Variants in ARL15 observed in about 807,000 individuals in gnomAD.
The protein encoded by ARL15 is ADP-ribosylation factor-like protein 15.
ARL15 carries 19 observed loss-of-function variants against 25.2 expected under a neutral mutation model. That is an observed-to-expected ratio of 0.75 (90% CI 0.53 to 1.10). The LOEUF (loss-of-function observed/expected upper bound fraction) is 1.10. Among genes scored for constraint, ARL15 ranks in the 50% least tolerant of loss-of-function variants. The pLI is 0.00. For missense variants in ARL15, 220 were observed against 246.0 expected, an observed-to-expected ratio of 0.89 and a Z score of 0.71; for synonymous variants, 94 against 86.8, an observed-to-expected ratio of 1.08 and a Z score of -0.46.
chr5:54,019,445 G>A (rs1314246784), intron 4 of ARL15, among the ~76,000 whole-genome samples: 3 of 152,158 alleles, frequency 2.0e-5, no homozygotes, highest in African/African-American at 4.8e-5. Flanking sequence ...TTAAAGTAGT[G>A]TTCGGTAAAA....
chr5:53,908,650 C>T (rs1409722175), intron 4 of ARL15, among the ~76,000 whole-genome samples: 2 of 152,098 alleles, frequency 1.3e-5, no homozygotes, highest in African/African-American at 4.8e-5. Context: ...ATGTATCCTC[C>T]GTCAATAAGG....
chr5:54,232,578 C>T (rs577797556), intron 1 of ARL15, among the ~76,000 whole-genome samples: 172 of 152,186 alleles, frequency 1.1e-3, no homozygotes, highest in African/African-American at 3.9e-3. Context: ...AAAAATAGAA[C>T]CAACAGGTAG....
chr5:53,968,003 G>A (rs1747619694), intron 4 of ARL15, among the ~76,000 whole-genome samples: 2 of 152,022 alleles, frequency 1.3e-5, no homozygotes, highest in African/African-American at 2.4e-5. Context: ...TCCAGGTCTA[G>A]AGGAGTAAGG....
At position 54,164,218 on chromosome 5, in the gene ARL15, C is replaced by T. The variant is rs150171774; in HGVS notation, c.193+7566G>A. On this transcript the variant is annotated intron_variant, in intron 2 of 4. Coordinates refer to ENST00000504924, the MANE Select transcript of ARL15 (RefSeq NM_019087.3). ...ATTGATTTTTAATGCAATTCTATCACGGTCTAAGAACATATTGGATATAAC... is the reference window on the plus strand; with the variant it reads ...ATTGATTTTTAATGCAATTCTATCATGGTCTAAGAACATATTGGATATAAC... Among the ~76,000 whole-genome samples the T allele has an allele frequency of 7.4e-4, 112 of 151,814 alleles. No homozygotes were observed. In the East Asian group the frequency reaches 0.018, roughly 25 times the overall value.
chr5:54,152,746 C>T (rs1314762977), intron 3 of ARL15, among the ~76,000 whole-genome samples: 1 of 152,166 alleles, frequency 6.6e-6, no homozygotes, highest in African/African-American at 2.4e-5. Flanking sequence ...ACATAACCAC[C>T]AAATCCTATG....
At position 54,185,111 on chromosome 5, in the gene ARL15, G is replaced by A. The variant is rs1029367042; in HGVS notation, c.49-13183C>T. ...ATAACGTCTATAACAGCTAAAACAT[G>A]GTTTGACACACAAAACTTAATTGAT... is the stretch of plus-strand genomic sequence containing the variant. On this transcript the variant is annotated intron_variant, in intron 1 of 4. Transcript: ENST00000504924. 3.3e-5 allele frequency among the ~76,000 whole-genome samples: 5 copies of A among 152,092 alleles called. No individual in the cohort carries two copies. In the East Asian group the frequency reaches 7.7e-4, roughly 24 times the overall value.
chr5:54,043,578 A>T (rs1206616202), intron 4 of ARL15, among the ~76,000 whole-genome samples: 2 of 152,198 alleles, frequency 1.3e-5, no homozygotes, highest in East Asian at 3.9e-4. Flanking sequence ...CTCCAGATAC[A>T]TGATGATAGA....
At chr5:54,306,391 C>CTTTTTTTTTTT (rs11338403) in intron 1 of ARL15, among the ~76,000 whole-genome samples, 2 of 134,516 alleles carry the variant, frequency 1.5e-5, no homozygotes, top group Non-Finnish European at 3.1e-5. Context: ...AATACGTTAA[C>CTTTTTTTTTTT]TTTTTTTTTT....
At chr5:54,234,526 G>A (rs1756751936) in intron 1 of ARL15, among the ~76,000 whole-genome samples, 1 of 152,006 alleles carries the variant, frequency 6.6e-6, no homozygotes, top group Non-Finnish European at 1.5e-5. Context: ...GCTCCCTTCT[G>A]CATCCTACAA....
chr5:54,254,294 A>G (rs1306351207), intron 1 of ARL15, among the ~76,000 whole-genome samples: 1 of 152,186 alleles, frequency 6.6e-6, no homozygotes, highest in African/African-American at 2.4e-5. Context: ...AACCTTGGGT[A>G]CTTGCTATAT....
intron 4 of ARL15, among the ~76,000 whole-genome samples, chr5:53,901,651 T>C (rs540014321): frequency 3.6e-5 from 5 of 140,738 alleles, no homozygotes; most frequent in Non-Finnish European, 3.0e-5. Context: ...TAAGTGTGCA[T>C]ATTGAAATGG....
chr5:54,169,854 C>T (rs901736839), intron 2 of ARL15, among the ~76,000 whole-genome samples: 11 of 152,140 alleles, frequency 7.2e-5, no homozygotes, highest in Non-Finnish European at 1.2e-4. Context: ...AAAGAGGCTA[C>T]ACATGAGCTC....
chr5:54,239,762 G>A (rs1756905497), intron 1 of ARL15, among the ~76,000 whole-genome samples: 2 of 152,150 alleles, frequency 1.3e-5, no homozygotes, highest in South Asian at 4.1e-4. Context: ...GGACAATGAT[G>A]TTTAAGCCAC....
intron 4 of ARL15, among the ~76,000 whole-genome samples, chr5:54,028,669 G>A (rs1225508380): frequency 6.6e-6 from 1 of 152,106 alleles, no homozygotes; most frequent in Non-Finnish European, 1.5e-5. Flanking sequence ...AAGGCAAAGA[G>A]CAGAAATGAA....
chr5:54,302,034 G>A (rs543626702), intron 1 of ARL15, among the ~76,000 whole-genome samples: 4 of 152,308 alleles, frequency 2.6e-5, no homozygotes, highest in African/African-American at 9.6e-5. Flanking sequence ...CTGAAGGAGA[G>A]AGTGGGTAAT....
chr5:54,090,427 CA>C (rs1201384300), intron 4 of ARL15, among the ~76,000 whole-genome samples: 3 of 118,302 alleles, frequency 2.5e-5, no homozygotes, highest in Admixed American at 8.6e-5. Context: ...TATTGAAAAG[CA>C]AAAAAAAAGA....
At chr5:54,117,835 G>A (rs181840606) in intron 3 of ARL15, among the ~76,000 whole-genome samples, 155 of 152,276 alleles carry the variant, frequency 1.0e-3, no homozygotes, top group Non-Finnish European at 1.6e-3. Context: ...GATAGTATTT[G>A]TTGTCAATGG....
chr5:54,131,469 T>C (rs1030746672), intron 3 of ARL15, among the ~76,000 whole-genome samples: 2 of 152,200 alleles, frequency 1.3e-5, no homozygotes, highest in Admixed American at 6.5e-5. Flanking sequence ...TTAAATGCCA[T>C]CTGTACCACA....
intron 4 of ARL15, among the ~76,000 whole-genome samples, chr5:53,925,903 G>A (rs539877433): frequency 5.9e-5 from 9 of 151,470 alleles, no homozygotes; most frequent in South Asian, 2.1e-4. Flanking sequence ...AATATGTATC[G>A]TAAACATAGG....
Sources: allele counts gnomAD v4.1 joint callset (sites outside exome capture counted in the v4.1 genomes callset), GRCh38; gene constraint gnomAD v4.1.1; transcripts MANE v1.5; gene names NCBI Gene and HGNC (gene_info 2026-07-23, HGNC 2026-07-21).